Variants in TOP3A observed in about 807,000 individuals in gnomAD.
TOP3A encodes DNA topoisomerase III alpha, also known as DNA topoisomerase 3-alpha.
In TOP3A, 64 loss-of-function variants were observed where a neutral mutation model predicts 111.3. The ratio of observed to expected loss-of-function variants is 0.57; its 90% confidence interval spans 0.47 to 0.71. TOP3A has a LOEUF of 0.71. Among genes scored for constraint, TOP3A ranks in the 30% least tolerant of loss-of-function variants. TOP3A has a pLI of 0.00. For missense variants in TOP3A, 1,104 were observed against 1,285.0 expected, an observed-to-expected ratio of 0.86 and a Z score of 2.15; for synonymous variants, 484 against 485.1, an observed-to-expected ratio of 1.00 and a Z score of 0.03.
At chr17:18,286,235 G>A (rs1277879470) in intron 13 of TOP3A, among the ~76,000 whole-genome samples, 1 of 151,658 alleles carries the variant, frequency 6.6e-6, no homozygotes, top group Non-Finnish European at 1.5e-5. Context: ...TGGGCGTGGT[G>A]GCTCACGCCT....
chr17:18,272,228 CCACTAGGATGACAAAA>C lies in TOP3A; in HGVS notation c.*2558_*2573del, dbSNP rs931570697. 6.6e-6 allele frequency among the ~76,000 whole-genome samples: 1 copy of C among 152,014 alleles called. No homozygotes were observed. Among genetic ancestry groups the C allele is most frequent in the African/African-American group, 2.4e-5 (1 of 41,378 alleles). ...ACCACAATGACACGCCACTTCATAC[CCACTAGGATGACAAAA>C]CACTAGGATGGCTATAATACAAGAA... On this transcript the variant is annotated 3_prime_UTR_variant, in exon 19 of 19. Coordinates refer to ENST00000321105, the MANE Select transcript of TOP3A (RefSeq NM_004618.5).
intron 5 of TOP3A, chr17:18,302,981 T>C (rs564301069): frequency 1.9e-5 from 8 of 425,288 alleles, no homozygotes; most frequent in African/African-American, 1.4e-4. Flanking sequence ...AAAAGAGAGA[T>C]CAGATCGTTA....
intron 8 of TOP3A, among the ~76,000 whole-genome samples, chr17:18,299,994 T>C (rs1272404158): frequency 6.6e-6 from 1 of 152,214 alleles, no homozygotes; most frequent in Non-Finnish European, 1.5e-5. Context: ...GGGGTCTTGC[T>C]ATGTTGCCCA....
intron 17 of TOP3A, among the ~76,000 whole-genome samples, chr17:18,279,690 ATTCAT>A (rs1055404544): frequency 6.6e-6 from 1 of 152,004 alleles, no homozygotes; most frequent in African/African-American, 2.4e-5. Context: ...GGCTCGGCCT[ATTCAT>A]TTATTTCTAG....
At chr17:18,283,018 C>A (rs577804531) in intron 15 of TOP3A, among the ~76,000 whole-genome samples, 177 bp from the exon 16 acceptor site, 19 of 152,308 alleles carry the variant, frequency 1.2e-4, no homozygotes, top group African/African-American at 3.4e-4. Flanking sequence ...GGCCCTGGTG[C>A]CGAACCAACT....
At chr17:18,282,530 G>T (rs544292639) in intron 16 of TOP3A, among the ~76,000 whole-genome samples, 168 bp downstream of exon 16, 1 of 152,266 alleles carries the variant, frequency 6.6e-6, no homozygotes, top group South Asian at 2.1e-4. Flanking sequence ...CACCTCAAAG[G>T]CCTGATCCCA....
At chr17:18,310,367 A>T (rs1981837919) in intron 1 of TOP3A, among the ~76,000 whole-genome samples, 1 of 152,094 alleles carries the variant, frequency 6.6e-6, no homozygotes, top group South Asian at 2.1e-4. Flanking sequence ...CGGTGGTTAC[A>T]ATGAGCCGAG....
chr17:18,304,409 C>T (rs1341525598), intron 5 of TOP3A, among the ~76,000 whole-genome samples: 1 of 152,156 alleles, frequency 6.6e-6, no homozygotes, highest in Non-Finnish European at 1.5e-5. Flanking sequence ...AAAGTTAATG[C>T]ACTTAAATTT....
In TOP3A at chr17:18,278,294, G is replaced by A. The variant is rs1979535006; in HGVS notation, c.2208C>T (p.Cys736=). 1.3e-6 allele frequency: 2 copies of A among 1,524,692 alleles called. No individual in the cohort carries two copies. Among genetic ancestry groups the A allele is most frequent in the African/African-American group, 1.4e-5 (1 of 72,042 alleles). 94.4% of individuals were successfully genotyped at this position (1,524,692 alleles called of 1,614,324 possible). A position where few individuals can be genotyped will look rare whatever the true frequency, so the allele number is the denominator to read the frequency against. The stretch of plus-strand genomic sequence containing the variant: ...TCAGGGTGTCGTCGCATCCGCCGAT[G>A]CAGCAAACAAACTCCAGAGGCATGG... ...PPTMPLEFVC[C]IGGCDDTLRE... Residue 736 remains cysteine, a synonymous_variant, in exon 18 of 19, where the codon TGC becomes TGT. Transcript: ENST00000321105.
chr17:18,304,656 T>C (rs1467554822), intron 5 of TOP3A, among the ~76,000 whole-genome samples: 1 of 152,250 alleles, frequency 6.6e-6, no homozygotes, highest in East Asian at 1.9e-4. Flanking sequence ...TTACTTGTGG[T>C]ATATTCATTC....
intron 9 of TOP3A, among the ~76,000 whole-genome samples, chr17:18,297,151 C>T (rs1245547504): frequency 6.6e-6 from 1 of 152,152 alleles, no homozygotes; most frequent in African/African-American, 2.4e-5. Context: ...AAAGGCCAGG[C>T]GCGGTGGCTC....
intron 15 of TOP3A, among the ~76,000 whole-genome samples, chr17:18,283,111 T>C (rs1409979440): frequency 1.3e-5 from 2 of 152,168 alleles, no homozygotes; most frequent in African/African-American, 2.4e-5. Flanking sequence ...CCAAATGTGG[T>C]GGCTCACGCC....
At chr17:18,305,551 G>A (rs542551432) in intron 4 of TOP3A, among the ~76,000 whole-genome samples, 5 of 151,932 alleles carry the variant, frequency 3.3e-5, no homozygotes, top group African/African-American at 9.7e-5. Context: ...TAAAAAAAAC[G>A]AAGCCGGCTG....
chr17:18,302,291 C>G lies in TOP3A; in HGVS notation c.787G>C (p.Val263Leu). 6.2e-7 allele frequency: 1 copy of G among 1,611,550 alleles called. No homozygotes were observed. Among genetic ancestry groups the G allele is most frequent in the Non-Finnish European group, 8.5e-7 (1 of 1,179,508 alleles). The change falls in exon 7 of 19, where the codon GTA (valine) becomes CTA (leucine). Residue 263 changes from valine (V) to leucine (L), a missense_variant. Val to Leu is a conservative substitution (Grantham distance 32, BLOSUM62 1). Coordinates refer to ENST00000321105, the MANE Select transcript of TOP3A (RefSeq NM_004618.5). ...TTAATTCTGTGGAAGATTTCTGGTA[C>G]AAAAGCCTGAATGGCTTTGAACCGC... ...VERFKAIQAFVPEIFHRIKVT... is the reference protein window; with the variant it reads ...VERFKAIQAFLPEIFHRIKVT...
chr17:18,302,888 A>T, intron 5 of TOP3A, 165 bp from the exon 6 acceptor site: 1 of 714,120 alleles, frequency 1.4e-6, no homozygotes, highest in South Asian at 2.0e-5. Flanking sequence ...ACAGTGTCTA[A>T]AGAGGAAACA....
chr17:18,284,259 G>A (rs899492321), intron 15 of TOP3A, among the ~76,000 whole-genome samples: 10 of 150,186 alleles, frequency 6.7e-5, no homozygotes, highest in Non-Finnish European at 1.5e-4. Flanking sequence ...TGATCTACCC[G>A]CCTCGGCCTC....
At chr17:18,299,431 G>A in intron 9 of TOP3A, 128 bp downstream of exon 9, 1 of 811,746 alleles carries the variant, frequency 1.2e-6, no homozygotes, top group Non-Finnish European at 2.1e-6. Context: ...TCTTTCTCCA[G>A]TGTTTTCTTG....
At position 18,314,764 on chromosome 17, in the gene TOP3A, G is replaced by T. The variant is rs200033916; in HGVS notation, c.15C>A (p.Val5=). Residue 5 remains valine, a synonymous_variant, in exon 1 of 19, where the codon GTC becomes GTA. Transcript: ENST00000321105. ...GCAGCCACCGGAGCGCGTAGCGGGC[G>T]ACAGGAAAGATCATCCTCAGACCTC... is the stretch of plus-strand genomic sequence containing the variant. MIFP[V]ARYALRWLRR... is the part of the protein sequence containing the mutation. 3 of 1,552,334 alleles carry T rather than the reference G, an allele frequency of 1.9e-6. No homozygotes were observed. The highest frequency in any genetic ancestry group is 1.4e-5 in the African/African-American group (1 of 72,936).
rs1979220026 is a variant in TOP3A, at chr17:18,274,708, A to C, written c.*94T>G. The C allele has an allele frequency of 1.3e-6, 2 of 1,525,852 alleles. No individual in the cohort carries two copies. Among genetic ancestry groups the C allele is most frequent in the Non-Finnish European group, 1.8e-6 (2 of 1,136,440 alleles). The allele number at this position is 1,525,852 out of a possible 1,614,324, so 94.5% of individuals were successfully genotyped here. ...GGCCAACACTGTCCTCTAAGTTTCC[A>C]GGACACTAAATGGCCACTTGGTCCT... On this transcript the variant is annotated 3_prime_UTR_variant, in exon 19 of 19. Coordinates refer to ENST00000321105, the MANE Select transcript of TOP3A (RefSeq NM_004618.5).
Sources: gnomAD v4.1 joint callset for allele counts (sites outside exome capture counted in the v4.1 genomes callset) on GRCh38, gnomAD v4.1.1 for gene constraint, MANE v1.5 for transcripts, NCBI Gene and HGNC (gene_info 2026-07-23, HGNC 2026-07-21) for gene names.